Variants in PTPRC observed in about 807,000 individuals in gnomAD.
PTPRC encodes the protein receptor-type tyrosine-protein phosphatase C.
In PTPRC, 44 loss-of-function variants were observed where a neutral mutation model predicts 155.9. The ratio of observed to expected loss-of-function variants is 0.28; its 90% CI spans 0.22 to 0.36. The LOEUF is 0.36. Ranked by LOEUF, PTPRC falls within the 10% of genes least tolerant of loss-of-function variation. PTPRC has a pLI of 1.00. For missense variants in PTPRC, 1,401 were observed against 1,564.6 expected, an observed-to-expected ratio of 0.90 and a Z score of 1.76; for synonymous variants, 525 against 533.1, an observed-to-expected ratio of 0.98 and a Z score of 0.21.
intron 23 of PTPRC, among the ~76,000 whole-genome samples, chr1:198,739,215 G>GTCTT (rs1232883674): frequency 6.6e-6 from 1 of 151,592 alleles, no homozygotes; most frequent in African/African-American, 2.4e-5. Context: ...GCAGGAGTAA[G>GTCTT]TCTTTATTTA....
intron 2 of PTPRC, among the ~76,000 whole-genome samples, chr1:198,687,553 A>G (rs1316225683): frequency 6.6e-6 from 1 of 152,050 alleles, no homozygotes; most frequent in Non-Finnish European, 1.5e-5. Flanking sequence ...ATTCTCCACC[A>G]AAGTATTTGT....
intron 2 of PTPRC, among the ~76,000 whole-genome samples, chr1:198,683,601 C>A (rs998191653): frequency 6.6e-6 from 1 of 151,952 alleles, no homozygotes; most frequent in Non-Finnish European, 1.5e-5. Context: ...ACCCTTGTTT[C>A]CATCATAATC....
chr1:198,709,499 T>G (rs1653172781), intron 10 of PTPRC, among the ~76,000 whole-genome samples, 188 bp from the exon 11 acceptor site: 1 of 152,094 alleles, frequency 6.6e-6, no homozygotes, highest in Non-Finnish European at 1.5e-5. Flanking sequence ...TAAGGGAAAC[T>G]CAGCCTGTAT....
intron 2 of PTPRC, among the ~76,000 whole-genome samples, chr1:198,662,521 C>G (rs1450598718): frequency 6.7e-6 from 1 of 150,002 alleles, no homozygotes; most frequent in Non-Finnish European, 1.5e-5. Flanking sequence ...AGTATATACA[C>G]AAATGTCAAT....
rs549023108 is a variant in PTPRC at position 198,694,169 on chromosome 1, A to G, written c.100+1796A>G. The G allele has an allele frequency of 6.7e-6, 10 of 1,495,606 alleles. No homozygotes were observed. In the South Asian group the frequency reaches 1.2e-4, roughly 17 times the overall value. The allele number at this position is 1,495,606 out of a possible 1,614,324, so 92.6% of individuals were successfully genotyped here. On this transcript the variant is annotated intron_variant, in intron 3 of 32. Coordinates refer to ENST00000442510, the MANE Select transcript of PTPRC (RefSeq NM_002838.5). ...AGTCCAAGAGTCCAAAAGCTGAGGA[A>G]CTTGGAGTCTGATGTTCAAGAGCAG...
intron 32 of PTPRC, among the ~76,000 whole-genome samples, chr1:198,754,817 G>T (rs1006387926): frequency 1.3e-5 from 2 of 152,060 alleles, no homozygotes; most frequent in African/African-American, 2.4e-5. Context: ...GTGCCCTCAG[G>T]CTCAGGCAAT....
chr1:198,721,483 T>C (rs1464936402), intron 14 of PTPRC, among the ~76,000 whole-genome samples: 1 of 152,176 alleles, frequency 6.6e-6, no homozygotes, highest in Non-Finnish European at 1.5e-5. Flanking sequence ...TGAAATGTAA[T>C]CAATGATTCT....
In PTPRC at chr1:198,692,328, T is replaced by G; in HGVS notation, c.74-19T>G. The G allele has an allele frequency of 6.6e-7, 1 of 1,507,856 alleles. No homozygotes were observed. Among genetic ancestry groups the G allele is most frequent in the Non-Finnish European group, 8.9e-7 (1 of 1,119,346 alleles). The allele number at this position is 1,507,856 out of a possible 1,614,324, so 93.4% of individuals were successfully genotyped here. A position where few individuals can be genotyped will look rare whatever the true frequency, so the allele number is the denominator to read the frequency against. The stretch of plus-strand genomic sequence containing the variant: ...TGAAATTTGAAATTTTCTAAGAGAT[T>G]TTTGTTTCTTCTTTGCAGGGCAAAG... On this transcript the variant is annotated intron_variant, in intron 2 of 32. Coordinates refer to ENST00000442510, the MANE Select transcript of PTPRC (RefSeq NM_002838.5).
intron 29 of PTPRC, among the ~76,000 whole-genome samples, chr1:198,750,893 T>A: frequency 6.6e-6 from 1 of 152,000 alleles, no homozygotes; most frequent in East Asian, 1.9e-4. Flanking sequence ...TCACAGCAAA[T>A]AACAGCTACA....
intron 2 of PTPRC, among the ~76,000 whole-genome samples, chr1:198,672,474 G>T (rs1664698298): frequency 6.6e-6 from 1 of 151,738 alleles, no homozygotes; most frequent in African/African-American, 2.4e-5. Flanking sequence ...TTTTTGTTTG[G>T]TTTGGTTTTG....
chr1:198,692,549 T>C, intron 3 of PTPRC, 176 bp downstream of exon 3: 5 of 1,081,262 alleles, frequency 4.6e-6, no homozygotes, highest in Non-Finnish European at 5.9e-6. Context: ...GTTATAGAGT[T>C]TAATAACTAC....
intron 2 of PTPRC, among the ~76,000 whole-genome samples, chr1:198,662,461 TGTGTGTGTGTGTGTGTGA>T: frequency 7.9e-6 from 1 of 125,874 alleles, no homozygotes; most frequent in East Asian, 3.8e-4. Flanking sequence ...TGTGTGTGTG[TGTGTGTGTGTGTGTGTGA>T]GAGTGTGTGT....
At chr1:198,671,210 C>T (rs945451143) in intron 2 of PTPRC, among the ~76,000 whole-genome samples, 23 of 152,078 alleles carry the variant, frequency 1.5e-4, no homozygotes, top group African/African-American at 4.6e-4. Context: ...CAGCACACCA[C>T]AAAAACAACT....
intron 2 of PTPRC, among the ~76,000 whole-genome samples, chr1:198,676,477 G>A (rs7527297): frequency 0.04 from 6,136 of 152,166 alleles, 387 homozygotes; most frequent in African/African-American, 0.13. Context: ...CAAGAAAATG[G>A]GTTTCTGAGA....
chr1:198,695,349 A>C (rs1362828035), intron 3 of PTPRC, among the ~76,000 whole-genome samples: 1 of 148,678 alleles, frequency 6.7e-6, no homozygotes, highest in Non-Finnish European at 1.5e-5. Context: ...GTTGTGTGAT[A>C]TAGTTCAGTT....
At chr1:198,752,038 T>C (rs1164108016) in intron 29 of PTPRC, among the ~76,000 whole-genome samples, 1 of 152,050 alleles carries the variant, frequency 6.6e-6, no homozygotes, top group Non-Finnish European at 1.5e-5. Context: ...TCCCTTTTCT[T>C]ACACAAGGAA....
intron 2 of PTPRC, among the ~76,000 whole-genome samples, chr1:198,643,821 G>A (rs2102183365): frequency 6.6e-6 from 1 of 152,068 alleles, no homozygotes; most frequent in East Asian, 1.9e-4. Context: ...CATGGCAATT[G>A]CTGGTTTGAA....
intron 2 of PTPRC, among the ~76,000 whole-genome samples, chr1:198,688,083 GTGTGTGTGTGTGTGTC>G (rs1019428957): frequency 1.3e-5 from 2 of 150,424 alleles, no homozygotes; most frequent in African/African-American, 4.9e-5. Flanking sequence ...TGTGGGGTGT[GTGTGTGTGTGTGTGTC>G]TGTGTGTGTG....
chr1:198,667,279 G>T (rs1310132707), intron 2 of PTPRC, among the ~76,000 whole-genome samples: 1 of 152,156 alleles, frequency 6.6e-6, no homozygotes, highest in Non-Finnish European at 1.5e-5. Context: ...CCCTGAGAAA[G>T]AAATTATTCT....
Sources: gnomAD v4.1 joint callset for allele counts (sites outside exome capture counted in the v4.1 genomes callset) on GRCh38, gnomAD v4.1.1 for gene constraint, MANE v1.5 for transcripts, NCBI Gene and HGNC (gene_info 2026-07-23, HGNC 2026-07-21) for gene names.